The following ANO10 variants were observed in gnomAD, a reference collection of about 807,000 sequenced individuals.
ANO10 encodes the protein anoctamin 10.
ANO10 carries 77 observed loss-of-function variants against 74.7 expected under a neutral mutation model. That is an observed-to-expected ratio of 1.03 (90% CI 0.86 to 1.25). ANO10 has a LOEUF of 1.25. Ranked by LOEUF, ANO10 falls within the 50% of genes most tolerant of loss-of-function variation. The probability of loss-of-function intolerance (pLI) is 0.00; values close to 1 mark genes in which losing one functional copy is unlikely to be tolerated. For synonymous variants in ANO10, 279 were observed against 284.9 expected (o/e 0.98, Z 0.21); for missense variants, 721 against 778.1 (o/e 0.93, Z 0.87).
intron 11 of ANO10, among the ~76,000 whole-genome samples, chr3:43,468,502 CA>C (rs2075721064): frequency 6.6e-6 from 1 of 152,094 alleles, no homozygotes; most frequent in Non-Finnish European, 1.5e-5. Flanking sequence ...TAGGACTGTA[CA>C]AAAAAACAGT....
chr3:43,450,870 C>G (rs17075726), intron 11 of ANO10, among the ~76,000 whole-genome samples: 3,430 of 152,204 alleles, frequency 0.023, 88 homozygotes, highest in African/African-American at 0.062. Context: ...GTCATAAGTT[C>G]CTTAAGCTTC....
intron 5 of ANO10, among the ~76,000 whole-genome samples, 153 bp downstream of exon 5, chr3:43,580,200 T>C (rs1422149116): frequency 1.3e-5 from 2 of 151,946 alleles, no homozygotes; most frequent in East Asian, 3.9e-4. Context: ...ACCTATCTTA[T>C]TCCCTCCATC....
chr3:43,671,033 T>C (rs374611717), intron 1 of ANO10, among the ~76,000 whole-genome samples: 1 of 152,298 alleles, frequency 6.6e-6, no homozygotes, highest in East Asian at 1.9e-4. Context: ...TCTCTCTGTA[T>C]AATTGTTGGT....
intron 12 of ANO10, among the ~76,000 whole-genome samples, chr3:43,413,130 A>G (rs1211283911): frequency 6.6e-6 from 1 of 151,884 alleles, no homozygotes; most frequent in Non-Finnish European, 1.5e-5. Flanking sequence ...GTCATCCTCT[A>G]CTCTCTCTTC....
chr3:43,491,395 T>C (rs1054389773), intron 11 of ANO10, among the ~76,000 whole-genome samples: 3 of 152,060 alleles, frequency 2.0e-5, no homozygotes, highest in Non-Finnish European at 4.4e-5. Context: ...GCACCTGTAA[T>C]CCCAGCTACT....
chr3:43,457,571 C>T (rs947062777), intron 11 of ANO10, among the ~76,000 whole-genome samples: 2 of 152,172 alleles, frequency 1.3e-5, no homozygotes, highest in African/African-American at 4.8e-5. Context: ...ATTCAATCAC[C>T]TCCCTCCCTC....
chr3:43,502,849 G>A lies in ANO10; in HGVS notation c.1797+46871C>T, dbSNP rs537802351. Among the ~76,000 whole-genome samples, 4 of 152,298 alleles carry A rather than the reference G, an allele frequency of 2.6e-5. No individual in the cohort carries two copies. The East Asian group carries it at 5.8e-4, about 22-fold the overall frequency. ...AGTCACAAAAAGACAAGTACTATAT[G>A]ACTCCACTTATATCAGATACCTAGT... On this transcript the variant is annotated intron_variant, in intron 11 of 12. Coordinates refer to ENST00000292246, the MANE Select transcript of ANO10 (RefSeq NM_018075.5).
At chr3:43,486,836 C>T (rs1193599585) in intron 11 of ANO10, among the ~76,000 whole-genome samples, 2 of 150,074 alleles carry the variant, frequency 1.3e-5, no homozygotes, top group Non-Finnish European at 3.0e-5. Context: ...ACTTCCAACA[C>T]TATGTTGAAT....
chr3:43,646,442 G>A (rs1191986615), intron 1 of ANO10, among the ~76,000 whole-genome samples: 2 of 152,334 alleles, frequency 1.3e-5, no homozygotes, highest in South Asian at 2.1e-4. Flanking sequence ...TCGTCTTTGA[G>A]TTAGAGAACT....
chr3:43,629,326 A>G (rs1029108654), intron 1 of ANO10, among the ~76,000 whole-genome samples: 18 of 152,226 alleles, frequency 1.2e-4, no homozygotes, highest in South Asian at 2.1e-4. Flanking sequence ...TTTACCTATT[A>G]GGATGAATGC....
intron 11 of ANO10, among the ~76,000 whole-genome samples, chr3:43,513,024 CA>C (rs1454970251): frequency 6.6e-6 from 1 of 152,192 alleles, no homozygotes; most frequent in Non-Finnish European, 1.5e-5. Flanking sequence ...TGCAGGAAAA[CA>C]AAAGAAGACA....
intron 1 of ANO10, among the ~76,000 whole-genome samples, chr3:43,683,017 G>A (rs912638835): frequency 1.3e-5 from 2 of 152,116 alleles, no homozygotes; most frequent in African/African-American, 4.8e-5. Flanking sequence ...TTGAAAACTG[G>A]CACAAGACAG....
chr3:43,543,246 T>C (rs2079033675), intron 11 of ANO10, among the ~76,000 whole-genome samples: 1 of 152,222 alleles, frequency 6.6e-6, no homozygotes, highest in Non-Finnish European at 1.5e-5. Flanking sequence ...ATAGGAATTA[T>C]CTGTATAATG....
chr3:43,592,974 A>G (rs75276290), intron 4 of ANO10, among the ~76,000 whole-genome samples: 1 of 152,260 alleles, frequency 6.6e-6, no homozygotes. Flanking sequence ...CACAAGCTTC[A>G]GTAGCTGATT....
intron 1 of ANO10, among the ~76,000 whole-genome samples, chr3:43,628,778 T>C (rs773692956): frequency 3.3e-5 from 5 of 152,154 alleles, no homozygotes; most frequent in Admixed American, 6.5e-5. Context: ...CAGTCTCCCA[T>C]AGCGCTCCCA....
chr3:43,662,799 G>GA (rs1226730526), intron 1 of ANO10, among the ~76,000 whole-genome samples: 19 of 152,030 alleles, frequency 1.2e-4, no homozygotes, highest in Non-Finnish European at 5.9e-5. Flanking sequence ...TAGAAGAAAT[G>GA]GATAAATTTC....
At chr3:43,487,534 A>G (rs1303045364) in intron 11 of ANO10, among the ~76,000 whole-genome samples, 1 of 151,874 alleles carries the variant, frequency 6.6e-6, no homozygotes, top group African/African-American at 2.4e-5. Context: ...TAGTCTTGGG[A>G]GAGTGTATGT....
At chr3:43,467,643 T>C (rs558143473) in intron 11 of ANO10, among the ~76,000 whole-genome samples, 2 of 152,312 alleles carry the variant, frequency 1.3e-5, no homozygotes, top group South Asian at 2.1e-4. Context: ...GTGATAGAAA[T>C]GTTCTAAATC....
intron 12 of ANO10, among the ~76,000 whole-genome samples, chr3:43,385,277 TAC>T (rs2092083467): frequency 6.6e-6 from 1 of 152,152 alleles, no homozygotes; most frequent in Non-Finnish European, 1.5e-5. Context: ...TTGGCATGAA[TAC>T]AGTGAAAAGG....
Sources: allele counts gnomAD v4.1 joint callset (sites outside exome capture counted in the v4.1 genomes callset), GRCh38; gene constraint gnomAD v4.1.1; transcripts MANE v1.5; gene names NCBI Gene and HGNC (gene_info 2026-07-23, HGNC 2026-07-21).